LRMDA: variants seen among roughly 807,000 people sequenced by gnomAD.
LRMDA encodes the protein leucine-rich melanocyte differentiation-associated protein.
A neutral mutation model predicts 29.8 loss-of-function variants in LRMDA; 18 were observed. That is an observed-to-expected ratio of 0.60 (90% confidence interval 0.42 to 0.90). LRMDA has a LOEUF of 0.90. LRMDA is among the 40% of genes least tolerant of loss of function. The pLI is 0.00. For missense variants in LRMDA, 273 were observed against 273.9 expected (o/e 1.00, Z 0.02); for synonymous variants, 125 against 109.4 (o/e 1.14, Z -0.89).
At chr10:75,802,970 ATAT>A (rs1317494646) in intron 2 of LRMDA, among the ~76,000 whole-genome samples, 3,063 of 128,174 alleles carry the variant, frequency 0.024, 72 homozygotes, top group Non-Finnish European at 0.029. Context: ...ATATATATAT[ATAT>A]TTTTTTTTTT....
intron 2 of LRMDA, among the ~76,000 whole-genome samples, chr10:75,700,923 T>C (rs1842300494): frequency 6.6e-6 from 1 of 152,172 alleles, no homozygotes; most frequent in Admixed American, 6.5e-5. Context: ...CACTTTGCAG[T>C]CATTAAATGA....
chr10:75,561,017 C>T (rs77307178), intron 2 of LRMDA, among the ~76,000 whole-genome samples: 2 of 147,956 alleles, frequency 1.4e-5, no homozygotes, highest in Non-Finnish European at 3.0e-5. Context: ...TGTCTCTGCC[C>T]GGCTTTGGTA....
At chr10:76,396,052 C>T (rs1466378832) in intron 6 of LRMDA, among the ~76,000 whole-genome samples, 2 of 152,152 alleles carry the variant, frequency 1.3e-5, no homozygotes, top group Non-Finnish European at 2.9e-5. Context: ...TAGTTAAGGG[C>T]TTTAGCATCC....
intron 2 of LRMDA, among the ~76,000 whole-genome samples, chr10:75,845,975 C>T (rs962354775): frequency 1.3e-5 from 2 of 152,212 alleles, no homozygotes; most frequent in South Asian, 4.2e-4. Flanking sequence ...CAGCCTAGCA[C>T]CAAAGTTGTA....
chr10:76,482,137 T>A (rs2579725), intron 6 of LRMDA, among the ~76,000 whole-genome samples: 6 of 151,820 alleles, frequency 4.0e-5, no homozygotes, highest in East Asian at 2.0e-4. Flanking sequence ...TTGAAGTAAC[T>A]TAGATAAATC....
chr10:75,776,422 T>A (rs1438141381), intron 2 of LRMDA, among the ~76,000 whole-genome samples: 5 of 152,226 alleles, frequency 3.3e-5, no homozygotes, highest in African/African-American at 1.2e-4. Context: ...GAAAAAGAGT[T>A]CTGCATGCCA....
chr10:76,287,237 A>G (rs1840283646), intron 5 of LRMDA, among the ~76,000 whole-genome samples: 1 of 152,106 alleles, frequency 6.6e-6, no homozygotes, highest in Admixed American at 6.6e-5. Context: ...CACTCTCAGC[A>G]TACAGGTGGC....
At chr10:76,164,297 A>G (rs1850696775) in intron 5 of LRMDA, among the ~76,000 whole-genome samples, 1 of 152,166 alleles carries the variant, frequency 6.6e-6, no homozygotes, top group Admixed American at 6.6e-5. Flanking sequence ...AGAATTTTTT[A>G]GATTTACTTT....
At chr10:75,644,086 G>A (rs546711207) in intron 2 of LRMDA, among the ~76,000 whole-genome samples, 103 of 152,316 alleles carry the variant, frequency 6.8e-4, no homozygotes, top group African/African-American at 2.2e-3. Context: ...AGATCTGGGA[G>A]GTGATTAGAC....
At chr10:76,453,310 A>G (rs1842425212) in intron 6 of LRMDA, among the ~76,000 whole-genome samples, 2 of 152,188 alleles carry the variant, frequency 1.3e-5, no homozygotes, top group Non-Finnish European at 1.5e-5. Flanking sequence ...ATGAAAGAGT[A>G]AGGATTTGTC....
In LRMDA at chr10:76,476,347, C is replaced by A. The variant is rs555953663; in HGVS notation, c.602-80862C>A. 2.7e-4 allele frequency among the ~76,000 whole-genome samples: 41 copies of A among 152,122 alleles called. 2 individuals are homozygous for A. The South Asian group carries it at 7.9e-3, about 29-fold the overall frequency. On this transcript the variant is annotated intron_variant, in intron 6 of 6. Coordinates refer to ENST00000611255, the MANE Select transcript of LRMDA (RefSeq NM_001305581.2). ...CACATACACACTCCCAAGACTAAAC[C>A]AGGAAGAAGCAAAATCACTTAATAG...
At chr10:76,006,967 T>TGCAGGATGGAGAA (rs1847673597) in intron 2 of LRMDA, among the ~76,000 whole-genome samples, 1 of 142,646 alleles carries the variant, frequency 7.0e-6, no homozygotes, top group Non-Finnish European at 1.5e-5. Context: ...TGCTAAAGTT[T>TGCAGGATGGAGAA]GCAGGATGGA....
intron 2 of LRMDA, among the ~76,000 whole-genome samples, chr10:75,916,193 T>TGTGTGTGTGTGTGTGTGTGG (rs72087365): frequency 1.4e-5 from 2 of 140,154 alleles, no homozygotes; most frequent in Admixed American, 7.0e-5. Context: ...TGTGTGTGTG[T>TGTGTGTGTGTGTGTGTGTGG]GTGGGTGGGT....
At chr10:76,471,259 T>C (rs1842614867) in intron 6 of LRMDA, among the ~76,000 whole-genome samples, 2 of 151,746 alleles carry the variant, frequency 1.3e-5, no homozygotes, top group Admixed American at 1.3e-4. Context: ...TATTGGTAGG[T>C]TTGTAATATA....
intron 5 of LRMDA, among the ~76,000 whole-genome samples, chr10:76,259,001 C>T (rs1311726287): frequency 6.6e-6 from 1 of 152,092 alleles, no homozygotes; most frequent in African/African-American, 2.4e-5. Flanking sequence ...ATTTCTGGAT[C>T]ATATGGCAGT....
chr10:76,242,457 C>T (rs1019650694), intron 5 of LRMDA, among the ~76,000 whole-genome samples: 1 of 152,194 alleles, frequency 6.6e-6, no homozygotes, highest in Non-Finnish European at 1.5e-5. Flanking sequence ...GGGTAGAATC[C>T]TCTCTTGCCT....
chr10:75,454,583 C>G (rs1247112209), intron 2 of LRMDA, among the ~76,000 whole-genome samples: 1 of 152,136 alleles, frequency 6.6e-6, no homozygotes, highest in South Asian at 2.1e-4. Flanking sequence ...ATTCCCTATC[C>G]CTTCTAAGTG....
At chr10:75,712,547 T>C (rs911245275) in intron 2 of LRMDA, among the ~76,000 whole-genome samples, 2 of 151,916 alleles carry the variant, frequency 1.3e-5, no homozygotes, top group Non-Finnish European at 2.9e-5. Context: ...GATTGATGGA[T>C]GGACAAAGCA....
chr10:75,726,826 C>T (rs1842636753), intron 2 of LRMDA, among the ~76,000 whole-genome samples: 1 of 152,192 alleles, frequency 6.6e-6, no homozygotes, highest in Non-Finnish European at 1.5e-5. Context: ...TCCCTGCCCA[C>T]ATCCAACAAG....
Sources: allele counts gnomAD v4.1 joint callset (sites outside exome capture counted in the v4.1 genomes callset), GRCh38; gene constraint gnomAD v4.1.1; transcripts MANE v1.5; gene names NCBI Gene and HGNC (gene_info 2026-07-23, HGNC 2026-07-21).